DCHS2: variants seen among roughly 807,000 people sequenced by gnomAD.
DCHS2 encodes the protein dachsous cadherin-related 2, also known as protocadherin-23.
DCHS2 carries 142 observed loss-of-function variants against 182.4 expected under a neutral mutation model. The observed-to-expected ratio is 0.78, with a 90% CI of 0.68 to 0.89. DCHS2 has a LOEUF of 0.89. DCHS2 is among the 40% of genes least tolerant of loss of function. The probability of loss-of-function intolerance (pLI) is 0.00; values close to 1 mark genes in which losing one functional copy is unlikely to be tolerated. For missense variants in DCHS2, 4,319 were observed against 4,198.6 expected (o/e 1.03, Z -0.79); for synonymous variants, 1,740 against 1,663.3 (o/e 1.05, Z -1.12).
chr4:154,350,783 AC>A (rs1481346427), intron 3 of DCHS2, among the ~76,000 whole-genome samples: 1 of 152,230 alleles, frequency 6.6e-6, no homozygotes, highest in Non-Finnish European at 1.5e-5. Context: ...AAGTAAATTT[AC>A]CAATATTAAC....
intron 3 of DCHS2, among the ~76,000 whole-genome samples, chr4:154,337,092 T>C (rs868055600): frequency 6.6e-6 from 1 of 152,300 alleles, no homozygotes; most frequent in South Asian, 2.1e-4. Context: ...TCAGTACTTA[T>C]CACAAAAAAT....
intron 16 of DCHS2, among the ~76,000 whole-genome samples, chr4:154,245,946 G>C (rs1466595530): frequency 6.6e-6 from 1 of 152,124 alleles, no homozygotes; most frequent in East Asian, 1.9e-4. Context: ...CACCAATCTG[G>C]TGGGGATTTT....
intron 1 of DCHS2, among the ~76,000 whole-genome samples, chr4:154,467,453 T>C (rs1423678928): frequency 6.6e-6 from 1 of 152,148 alleles, no homozygotes; most frequent in Non-Finnish European, 1.5e-5. Flanking sequence ...AAATACATAC[T>C]CTATAGCCAC....
chr4:154,268,936 C>G (rs1033549072), intron 14 of DCHS2: 1 of 152,098 alleles, frequency 6.6e-6, no homozygotes, highest in Admixed American at 6.6e-5. Flanking sequence ...GAAAATATGC[C>G]AGCTATGCTA....
intron 1 of DCHS2, among the ~76,000 whole-genome samples, chr4:154,429,311 CT>C (rs1287884506): frequency 5.3e-5 from 8 of 152,168 alleles, no homozygotes; most frequent in Admixed American, 5.2e-4. Flanking sequence ...TTGACACCTA[CT>C]CCCCCTCTTT....
chr4:154,306,483 C>T (rs924844910), intron 10 of DCHS2, among the ~76,000 whole-genome samples: 1 of 151,928 alleles, frequency 6.6e-6, no homozygotes, highest in Non-Finnish European at 1.5e-5. Flanking sequence ...TTTGTTATTC[C>T]TATCTCTGCC....
intron 1 of DCHS2, among the ~76,000 whole-genome samples, chr4:154,415,927 T>A (rs1732816396): frequency 6.6e-6 from 1 of 152,076 alleles, no homozygotes; most frequent in African/African-American, 2.4e-5. Context: ...TTTTATCTTA[T>A]ATATTTTAAA....
At chr4:154,324,158 T>C (rs1736189701) in intron 7 of DCHS2, among the ~76,000 whole-genome samples, 1 of 152,226 alleles carries the variant, frequency 6.6e-6, no homozygotes, top group African/African-American at 2.4e-5. Context: ...GTTTTGGAAA[T>C]CGTTAAGCAT....
At chr4:154,312,749 C>T (rs1229646410) in intron 10 of DCHS2, among the ~76,000 whole-genome samples, 1 of 152,094 alleles carries the variant, frequency 6.6e-6, no homozygotes, top group Non-Finnish European at 1.5e-5. Flanking sequence ...TACAAAATGC[C>T]ATAGATTCAG....
chr4:154,240,739 T>C lies in DCHS2; in HGVS notation c.7157A>G (p.Glu2386Gly). Residue 2386 changes from glutamate to glycine, a missense_variant, in exon 18 of 20, where the codon GAG becomes GGG. Coordinates refer to ENST00000357232, the MANE Select transcript of DCHS2 (RefSeq NM_001358235.2). Reference protein sequence around the residue: ...NSAFIFSFAKESNPGTKFAID... With the variant: ...NSAFIFSFAKGSNPGTKFAID... ...AGCAAACTTGGTTCCAGGATTACTC[T>C]CTTTGGCAAAACTGAATATGAAAGC... 1.2e-6 allele frequency: 2 copies of C among 1,613,972 alleles called. No homozygotes were observed. The highest frequency in any genetic ancestry group is 1.7e-6 in the Non-Finnish European group (2 of 1,179,904).
intron 14 of DCHS2, among the ~76,000 whole-genome samples, chr4:154,263,654 G>C (rs1475920082): frequency 6.7e-6 from 1 of 149,056 alleles, no homozygotes; most frequent in African/African-American, 2.5e-5. Flanking sequence ...AAACCTAAAG[G>C]CTGCATATAT....
chr4:154,272,388 A>T (rs1352625734), intron 13 of DCHS2: 1 of 152,146 alleles, frequency 6.6e-6, no homozygotes, highest in Non-Finnish European at 1.5e-5. Context: ...CAGTTGCTCT[A>T]CTAATATGGT....
chr4:154,364,368 T>G (rs768203226), intron 3 of DCHS2, among the ~76,000 whole-genome samples: 3 of 152,202 alleles, frequency 2.0e-5, no homozygotes, highest in Non-Finnish European at 4.4e-5. Context: ...TTAAATGCTT[T>G]TAGATCCTGT....
chr4:154,426,231 A>G (rs1733319008), intron 1 of DCHS2, among the ~76,000 whole-genome samples: 1 of 152,136 alleles, frequency 6.6e-6, no homozygotes, highest in African/African-American at 2.4e-5. Flanking sequence ...ATTCTAGTTC[A>G]TTTTATCGCA....
At chr4:154,325,553 A>T (rs942298505) in intron 7 of DCHS2, among the ~76,000 whole-genome samples, 1 of 152,150 alleles carries the variant, frequency 6.6e-6, no homozygotes, top group Admixed American at 6.6e-5. Flanking sequence ...ATAAGCTAAG[A>T]CAACAAAAAG....
chr4:154,265,880 C>A (rs78743285), intron 14 of DCHS2, among the ~76,000 whole-genome samples: 1 of 152,030 alleles, frequency 6.6e-6, no homozygotes, highest in Non-Finnish European at 1.5e-5. Flanking sequence ...TCTGAGACCC[C>A]CCAGTGAATG....
At chr4:154,346,514 A>T (rs1392137128) in intron 3 of DCHS2, among the ~76,000 whole-genome samples, 9 of 149,456 alleles carry the variant, frequency 6.0e-5, no homozygotes, top group African/African-American at 2.3e-4. Context: ...CTTTGGTAAC[A>T]TGTCCTTATT....
intron 1 of DCHS2, among the ~76,000 whole-genome samples, chr4:154,482,624 T>A (rs1157421250): frequency 4.6e-5 from 7 of 152,196 alleles, no homozygotes; most frequent in African/African-American, 1.7e-4. Flanking sequence ...AGTCGTATTA[T>A]GTGCTAAGAG....
At chr4:154,361,460 T>A (rs989987331) in intron 3 of DCHS2, among the ~76,000 whole-genome samples, 6 of 152,194 alleles carry the variant, frequency 3.9e-5, no homozygotes, top group Non-Finnish European at 8.8e-5. Flanking sequence ...GAAATCTACA[T>A]ATAATTCACA....
Sources: allele counts gnomAD v4.1 joint callset (sites outside exome capture counted in the v4.1 genomes callset), GRCh38; gene constraint gnomAD v4.1.1; transcripts MANE v1.5; gene names NCBI Gene and HGNC (gene_info 2026-07-23, HGNC 2026-07-21).